DOCK4: variants seen among roughly 807,000 people sequenced by gnomAD.
The protein encoded by DOCK4 is dedicator of cytokinesis 4.
A neutral mutation model predicts 268.1 loss-of-function variants in DOCK4; 97 were observed. The observed-to-expected ratio is 0.36, with a 90% CI of 0.31 to 0.43. The LOEUF (loss-of-function observed/expected upper bound fraction) is 0.43, where lower values mean the gene tolerates loss of function less well. DOCK4 is among the 20% of genes least tolerant of loss of function. DOCK4 has a pLI of 1.00. For missense variants in DOCK4, 2,145 were observed against 2,455.7 expected (o/e 0.87, Z 2.67); for synonymous variants, 954 against 887.2 (o/e 1.08, Z -1.34).
chr7:111,818,954 C>T (rs893301242), intron 27 of DOCK4, among the ~76,000 whole-genome samples: 7 of 152,222 alleles, frequency 4.6e-5, no homozygotes, highest in Non-Finnish European at 8.8e-5. Context: ...TCACGGTGCT[C>T]TTTGTCTTTA....
chr7:112,020,679 T>C (rs1163738995), intron 1 of DOCK4, among the ~76,000 whole-genome samples: 3 of 69,162 alleles, frequency 4.3e-5, no homozygotes, highest in African/African-American at 1.8e-4. Flanking sequence ...ACTGGTACCC[T>C]AAAAGTAAAA....
At chr7:111,852,230 C>T (rs2134123250) in intron 23 of DOCK4, among the ~76,000 whole-genome samples, 1 of 152,276 alleles carries the variant, frequency 6.6e-6, no homozygotes, top group South Asian at 2.1e-4. Context: ...TTCCAAAGTG[C>T]TAGGATTACA....
At chr7:111,941,269 G>A (rs1191694691) in intron 10 of DOCK4, among the ~76,000 whole-genome samples, 1 of 152,142 alleles carries the variant, frequency 6.6e-6, no homozygotes, top group Non-Finnish European at 1.5e-5. Flanking sequence ...GTCATGACCT[G>A]ATGCCATATG....
chr7:111,776,670 T>C (rs1798459092), intron 36 of DOCK4, among the ~76,000 whole-genome samples: 1 of 152,176 alleles, frequency 6.6e-6, no homozygotes. Context: ...AGGAAATAAA[T>C]GTACAGATCC....
At position 111,809,384 on chromosome 7, in the gene DOCK4, A is replaced by G. The variant is rs1800911528; in HGVS notation, c.3024T>C (p.Phe1008=). 4 of 1,562,210 alleles carry G rather than the reference A, an allele frequency of 2.6e-6. No individual in the cohort carries two copies. In the East Asian group the frequency reaches 9.4e-5, roughly 37 times the overall value. The part of the protein sequence containing the change: ...NFDYKIWDSY[F]YLAVIFINQL... ...GGTTTATAAAAATGACTGCGAGGTAAAAGTAGGAATCCCAGATCTAAAACA... is the reference window on the plus strand; with the variant it reads ...GGTTTATAAAAATGACTGCGAGGTAGAAGTAGGAATCCCAGATCTAAAACA... Residue 1008 remains phenylalanine (F), a synonymous_variant, in exon 29 of 53, where the codon TTT becomes TTC. Transcript: ENST00000428084.
chr7:112,182,598 G>C (rs1029627366), intron 1 of DOCK4, among the ~76,000 whole-genome samples: 5 of 152,212 alleles, frequency 3.3e-5, no homozygotes, highest in African/African-American at 1.2e-4. Flanking sequence ...GTGTGTGAGA[G>C]AGAAACACAA....
chr7:111,737,847 TC>T (rs1338826388), intron 49 of DOCK4, among the ~76,000 whole-genome samples: 3 of 152,276 alleles, frequency 2.0e-5, no homozygotes, highest in African/African-American at 7.2e-5. Context: ...TGCAGCATCA[TC>T]AAGTGACAAA....
chr7:111,760,060 G>A lies in DOCK4; in HGVS notation c.4162+121C>T, dbSNP rs761175223. 305 of 1,214,792 alleles carry A rather than the reference G, an allele frequency of 2.5e-4. 3 individuals carry two copies. The highest frequency in any genetic ancestry group is 2.5e-3 in the Middle Eastern group (9 of 3,622). 75.3% of individuals were successfully genotyped at this position (1,214,792 alleles called of 1,614,324 possible). ...GCTAAAATTAAGATGATGGGAAAGA[G>A]GGAGCAGTAACGATGTGGCTATTGA... On this transcript the variant is annotated intron_variant, in intron 40 of 52. Transcript: ENST00000428084.
chr7:111,884,526 A>G (rs1351773320), intron 16 of DOCK4, among the ~76,000 whole-genome samples: 1 of 152,236 alleles, frequency 6.6e-6, no homozygotes, highest in African/African-American at 2.4e-5. Flanking sequence ...AGGTATCGCT[A>G]GGAAAGACCA....
At chr7:111,864,251 A>T (rs1246058899) in intron 22 of DOCK4, among the ~76,000 whole-genome samples, 1 of 151,948 alleles carries the variant, frequency 6.6e-6, no homozygotes, top group East Asian at 1.9e-4. Context: ...TGTAAAAAAA[A>T]AAAAAACCCG....
intron 1 of DOCK4, among the ~76,000 whole-genome samples, chr7:112,062,080 C>A: frequency 6.6e-6 from 1 of 152,152 alleles, no homozygotes; most frequent in East Asian, 1.9e-4. Context: ...AAAGGAAATC[C>A]AGATCTGACT....
intron 23 of DOCK4, among the ~76,000 whole-genome samples, chr7:111,852,124 G>A (rs1804624407): frequency 4.6e-5 from 7 of 151,990 alleles, no homozygotes; most frequent in Middle Eastern, 3.4e-3. Context: ...CGCCATGCCC[G>A]GCTAATGTTT....
At chr7:111,918,252 T>C (rs1018988013) in intron 12 of DOCK4, among the ~76,000 whole-genome samples, 2 of 152,212 alleles carry the variant, frequency 1.3e-5, no homozygotes, top group East Asian at 1.9e-4. Context: ...ACCAACAGAA[T>C]GTCTCCAAGA....
At chr7:112,090,790 G>A (rs1328665331) in intron 1 of DOCK4, among the ~76,000 whole-genome samples, 2 of 152,188 alleles carry the variant, frequency 1.3e-5, no homozygotes, top group African/African-American at 4.8e-5. Flanking sequence ...TGTGACCATT[G>A]AGACAGAATT....
intron 1 of DOCK4, among the ~76,000 whole-genome samples, chr7:112,203,128 C>A (rs1821091101): frequency 6.6e-6 from 1 of 152,152 alleles, no homozygotes; most frequent in Non-Finnish European, 1.5e-5. Context: ...ACGCTGGGAC[C>A]CAGAAAGGCT....
chr7:112,093,725 T>C (rs1652994239), intron 1 of DOCK4, among the ~76,000 whole-genome samples: 1 of 152,118 alleles, frequency 6.6e-6, no homozygotes, highest in African/African-American at 2.4e-5. Flanking sequence ...TTGATTCTAG[T>C]TTTTAAGGAA....
rs73717911 is a variant in DOCK4, at chr7:111,959,508, C to T, written c.702-13710G>A. On this transcript the variant is annotated intron_variant, in intron 8 of 52. Transcript: ENST00000428084. ...TATACATTTTAAATGATGTATGAGA[C>T]GAGAAATACTAGCACAGTGCAGGGA... is the stretch of plus-strand genomic sequence containing the variant. 5.7e-3 allele frequency among the ~76,000 whole-genome samples: 869 copies of T among 152,222 alleles called. 9 individuals are homozygous for T. The highest frequency in any genetic ancestry group is 0.02 in the African/African-American group (818 of 41,550).
At chr7:111,941,958 G>A (rs1795240515) in intron 10 of DOCK4, among the ~76,000 whole-genome samples, 1 of 152,176 alleles carries the variant, frequency 6.6e-6, no homozygotes, top group Admixed American at 6.5e-5. Context: ...AAACATGCAA[G>A]TTTAACGTTA....
intron 8 of DOCK4, among the ~76,000 whole-genome samples, chr7:111,961,539 G>C (rs1562939898): frequency 6.6e-6 from 1 of 152,182 alleles, no homozygotes; most frequent in Non-Finnish European, 1.5e-5. Context: ...TTTCCAGGAA[G>C]GTGGCACTGA....
Sources: gnomAD v4.1 joint callset for allele counts (sites outside exome capture counted in the v4.1 genomes callset) on GRCh38, gnomAD v4.1.1 for gene constraint, MANE v1.5 for transcripts, NCBI Gene and HGNC (gene_info 2026-07-23, HGNC 2026-07-21) for gene names.